Variants in KCNN2 observed in about 807,000 individuals in gnomAD.
The protein encoded by KCNN2 is small conductance calcium-activated potassium channel protein 2.
In KCNN2, 24 loss-of-function variants were observed where a neutral mutation model predicts 55.5. The ratio of observed to expected loss-of-function variants is 0.43; its 90% CI spans 0.31 to 0.61. The LOEUF (loss-of-function observed/expected upper bound fraction) is 0.61, where lower values mean the gene tolerates loss of function less well. KCNN2 is among the 20% of genes least tolerant of loss of function. The probability of loss-of-function intolerance (pLI) is 0.08; values close to 1 mark genes in which losing one functional copy is unlikely to be tolerated. For missense variants in KCNN2, 754 were observed against 853.6 expected, an observed-to-expected ratio of 0.88 and a Z score of 1.45; for synonymous variants, 431 against 336.1, an observed-to-expected ratio of 1.28 and a Z score of -3.09.
intron 2 of KCNN2, among the ~76,000 whole-genome samples, chr5:114,231,932 G>T (rs1398095075): frequency 6.6e-6 from 1 of 150,812 alleles, no homozygotes; most frequent in African/African-American, 2.5e-5. Flanking sequence ...TGGATTGGAG[G>T]CTATTAGCAT....
intron 2 of KCNN2, among the ~76,000 whole-genome samples, chr5:114,234,691 A>G (rs1371347050): frequency 6.6e-6 from 1 of 151,966 alleles, no homozygotes; most frequent in Non-Finnish European, 1.5e-5. Flanking sequence ...TGGAGAGTGG[A>G]GAAGAGGGGA....
intron 1 of KCNN2, among the ~76,000 whole-genome samples, chr5:114,169,925 C>T (rs1461508989): frequency 2.6e-5 from 4 of 151,898 alleles, no homozygotes; most frequent in African/African-American, 4.8e-5. Context: ...AATTTAGGCC[C>T]CCTTCTTATT....
intron 1 of KCNN2, among the ~76,000 whole-genome samples, chr5:114,126,540 C>T (rs1286177841): frequency 1.3e-5 from 2 of 152,124 alleles, no homozygotes; most frequent in Non-Finnish European, 2.9e-5. Flanking sequence ...ATTATCTCCA[C>T]CGTGTCCCTC....
chr5:114,406,535 A>G (rs1303544355), intron 3 of KCNN2, among the ~76,000 whole-genome samples: 1 of 143,246 alleles, frequency 7.0e-6, no homozygotes, highest in Non-Finnish European at 1.5e-5. Flanking sequence ...TTCCTGCACA[A>G]TTTTTTTTTT....
intron 2 of KCNN2, among the ~76,000 whole-genome samples, chr5:114,291,218 T>C (rs1458481050): frequency 3.3e-5 from 5 of 151,898 alleles, no homozygotes; most frequent in Non-Finnish European, 7.4e-5. Flanking sequence ...CTTTAAGTTT[T>C]AGGGTACATG....
chr5:114,285,917 CT>C (rs5870595), intron 2 of KCNN2, among the ~76,000 whole-genome samples: 71,231 of 134,388 alleles, frequency 0.53, 18,202 homozygotes, highest in Non-Finnish European at 0.59. Flanking sequence ...ATTTGGGAAG[CT>C]TTTTTTTTTT....
intron 1 of KCNN2, among the ~76,000 whole-genome samples, chr5:114,066,597 C>T (rs1013080977): frequency 2.0e-5 from 3 of 152,124 alleles, no homozygotes; most frequent in South Asian, 2.1e-4. Flanking sequence ...TTTTTTGAGA[C>T]GAAATCTCGC....
chr5:114,486,217 C>A (rs891432611), intron 5 of KCNN2, among the ~76,000 whole-genome samples: 1 of 152,232 alleles, frequency 6.6e-6, no homozygotes, highest in African/African-American at 2.4e-5. Flanking sequence ...TTAAATGGAA[C>A]AACTTCTTAT....
At chr5:114,077,730 G>A (rs969944529) in intron 1 of KCNN2, among the ~76,000 whole-genome samples, 2 of 152,176 alleles carry the variant, frequency 1.3e-5, no homozygotes, top group Non-Finnish European at 2.9e-5. Context: ...GGCCCCAAGA[G>A]CATTAGAGCA....
intron 2 of KCNN2, among the ~76,000 whole-genome samples, chr5:114,255,631 A>G (rs1359120365): frequency 6.6e-6 from 1 of 152,140 alleles, no homozygotes; most frequent in Non-Finnish European, 1.5e-5. Flanking sequence ...GTATACAAGG[A>G]TCAGATTTTT....
chr5:114,061,647 C>T (rs1273949688), intron 1 of KCNN2, among the ~76,000 whole-genome samples: 1 of 152,024 alleles, frequency 6.6e-6, no homozygotes, highest in Non-Finnish European at 1.5e-5. Context: ...GTTTAGCTTC[C>T]CTGTTGGGAC....
rs11957250 is a variant in KCNN2, at chr5:114,161,231, G to T, written c.-270-60249G>T. 6.1e-3 allele frequency among the ~76,000 whole-genome samples: 931 copies of T among 152,188 alleles called. 10 individuals are homozygous for T. The highest frequency in any genetic ancestry group is 0.021 in the African/African-American group (878 of 41,504). On this transcript the variant is annotated intron_variant, in intron 1 of 10. Coordinates refer to the KCNN2 transcript ENST00000512097. ...ACAAAATCTCAGCATTTGTTTGTCTGTAAGTATTTTATTTCTGCTTCACTT... is the reference window on the plus strand; with the variant it reads ...ACAAAATCTCAGCATTTGTTTGTCTTTAAGTATTTTATTTCTGCTTCACTT...
At chr5:114,296,452 A>G (rs1756013944) in intron 2 of KCNN2, among the ~76,000 whole-genome samples, 1 of 152,250 alleles carries the variant, frequency 6.6e-6, no homozygotes, top group South Asian at 2.1e-4. Context: ...TTGTAAGACT[A>G]GAAGAGAAAG....
At chr5:114,231,399 A>G (rs1754355825) in intron 2 of KCNN2, among the ~76,000 whole-genome samples, 1 of 139,916 alleles carries the variant, frequency 7.1e-6, no homozygotes, top group Non-Finnish European at 1.5e-5. Flanking sequence ...GTTTTCTTCT[A>G]GGGTTTTTAT....
intron 1 of KCNN2, among the ~76,000 whole-genome samples, chr5:114,164,405 G>T (rs558812737): frequency 6.6e-6 from 1 of 152,062 alleles, no homozygotes; most frequent in East Asian, 1.9e-4. Flanking sequence ...AAGTGCTGTA[G>T]TCATTCCCAT....
intron 7 of KCNN2, 124 bp from the exon 8 acceptor site, chr5:114,495,771 A>T: frequency 1.2e-6 from 1 of 811,982 alleles, no homozygotes; most frequent in Non-Finnish European, 2.0e-6. Context: ...TGAGCTGTTC[A>T]GTTAGCTGAC....
chr5:114,403,491 A>C (rs1224191296), intron 2 of KCNN2, among the ~76,000 whole-genome samples: 1 of 152,202 alleles, frequency 6.6e-6, no homozygotes, highest in African/African-American at 2.4e-5. Context: ...CTCAGCATTG[A>C]AGCATGGCTG....
chr5:114,248,220 G>A (rs10044702), intron 2 of KCNN2, among the ~76,000 whole-genome samples: 119,122 of 152,072 alleles, frequency 0.78, 47,164 homozygotes, highest in East Asian at 0.9. Context: ...ATTCAAATAC[G>A]CATTATTTCA....
At chr5:114,350,588 T>G (rs1171872209) in intron 2 of KCNN2, among the ~76,000 whole-genome samples, 2 of 151,960 alleles carry the variant, frequency 1.3e-5, no homozygotes, top group African/African-American at 4.8e-5. Flanking sequence ...TACAGTTTAT[T>G]CCATACATTT....
Sources: allele counts gnomAD v4.1 joint callset (sites outside exome capture counted in the v4.1 genomes callset), GRCh38; gene constraint gnomAD v4.1.1; transcripts MANE v1.5; gene names NCBI Gene and HGNC (gene_info 2026-07-23, HGNC 2026-07-21).